Variants in AKTIP observed in about 807,000 individuals in gnomAD.
AKTIP encodes the protein AKT-interacting protein.
A neutral mutation model predicts 39.1 loss-of-function variants in AKTIP; 16 were observed. The ratio of observed to expected loss-of-function variants is 0.41; its 90% CI spans 0.28 to 0.62. The LOEUF (loss-of-function observed/expected upper bound fraction) is 0.62, where lower values mean the gene tolerates loss of function less well. AKTIP is among the 20% of genes least tolerant of loss of function. The pLI is 0.32. For synonymous variants in AKTIP, 93 were observed against 124.3 expected (o/e 0.75, Z 1.67); for missense variants, 262 against 356.6 (o/e 0.73, Z 2.14).
At position 53,492,770 on chromosome 16, in the gene AKTIP, G is replaced by T; in HGVS notation, c.711-17C>A. ...GGAGAAAAGCTTAAGGAAGAGAAAA[G>T]TATTTAAAAACTATTTGTTGGCTCA... On this transcript the variant is annotated splice_polypyrimidine_tract_variant and intron_variant, in intron 8 of 9. Transcript: ENST00000394657. 1 of 1,610,258 alleles carries T rather than the reference G, an allele frequency of 6.2e-7. No homozygotes were observed. Among genetic ancestry groups the T allele is most frequent in the Non-Finnish European group, 8.5e-7 (1 of 1,177,798 alleles).
intron 3 of AKTIP, among the ~76,000 whole-genome samples, chr16:53,495,925 C>T (rs1372557858): frequency 1.3e-5 from 2 of 152,216 alleles, no homozygotes; most frequent in African/African-American, 4.8e-5. Flanking sequence ...GGCTCTCACA[C>T]GCCCTGCTCT....
At chr16:53,499,790 T>C (rs1414123815) in intron 2 of AKTIP, among the ~76,000 whole-genome samples, 1 of 152,250 alleles carries the variant, frequency 6.6e-6, no homozygotes, top group Admixed American at 6.5e-5. Context: ...TTTGCCTATT[T>C]TAACCTTTCC....
At chr16:53,501,897 C>T (rs1962189828) in intron 1 of AKTIP, 1 of 152,340 alleles carries the variant, frequency 6.6e-6, no homozygotes, top group Non-Finnish European at 1.5e-5. Context: ...ACTGAATATA[C>T]TTGAGATATC....
rs748916763 is a variant in AKTIP, at chr16:53,494,147, T to C, written c.701A>G (p.Tyr234Cys). Residue 234 changes from tyrosine (Y) to cysteine (C), a missense_variant, in exon 8 of 10, where the codon TAT becomes TGT. This residue lies in a region of AKTIP where 145 missense variants were observed against 159.3 expected (regional missense o/e 0.91). Transcript: ENST00000394657. Reference sequence around the variant, plus strand: ...GGGATGCACCACTTACCTAATTGCATAGGGGTCTTCTATTTTAGGTTGGTC... The same window carrying C: ...GGGATGCACCACTTACCTAATTGCACAGGGGTCTTCTATTTTAGGTTGGTC... ...LFDQPKIEDP[Y>C]AISFSPWNPS... 1 of 1,612,892 alleles carries C rather than the reference T, an allele frequency of 6.2e-7. No individual in the cohort carries two copies. Among genetic ancestry groups the C allele is most frequent in the East Asian group, 2.2e-5 (1 of 44,872 alleles).
At position 53,492,046 on chromosome 16, in the gene AKTIP, T is replaced by C. The variant is rs140700255; in HGVS notation, c.*366A>G. The C allele has an allele frequency of 7.0e-3, 1,301 of 185,840 alleles. 14 individuals are homozygous for C. Among genetic ancestry groups the C allele is most frequent in the African/African-American group, 0.029 (1,224 of 42,338 alleles). The allele number at this position is 185,840 out of a possible 1,614,324, so 11.5% of individuals were successfully genotyped here. A position where few individuals can be genotyped will look rare whatever the true frequency, so the allele number is the denominator to read the frequency against. ...ATACCTCTCCATTTCCTAACATATATACAACTGAAACCACTGATTTATAAA... is the reference window on the plus strand; with the variant it reads ...ATACCTCTCCATTTCCTAACATATACACAACTGAAACCACTGATTTATAAA... On this transcript the variant is annotated 3_prime_UTR_variant, in exon 10 of 10. Coordinates refer to ENST00000394657, the MANE Select transcript of AKTIP (RefSeq NM_022476.4).
chr16:53,492,354 G>T lies in AKTIP; in HGVS notation c.*58C>A. Reference sequence around the variant, plus strand: ...TCAGGCAGTCCTCTGCCATTGGTCAGCTTGAACTAGGCCAGAGTCTAGCAG... The same window carrying T: ...TCAGGCAGTCCTCTGCCATTGGTCATCTTGAACTAGGCCAGAGTCTAGCAG... On this transcript the variant is annotated 3_prime_UTR_variant, in exon 10 of 10. Transcript: ENST00000394657. The T allele has an allele frequency of 1.1e-5, 16 of 1,478,082 alleles. No individual in the cohort carries two copies. The highest frequency in any genetic ancestry group is 1.5e-5 in the Non-Finnish European group (16 of 1,061,912). 91.6% of individuals were successfully genotyped at this position (1,478,082 alleles called of 1,614,324 possible).
intron 8 of AKTIP, chr16:53,493,829 C>T (rs187245709): frequency 1.3e-5 from 4 of 315,856 alleles, no homozygotes; most frequent in African/African-American, 8.4e-5. Context: ...AAGAGGGGCT[C>T]CAGCTAAAAC....
Position 53,500,303 on chromosome 16 carries a change from A to G in AKTIP, c.-44T>C. The G allele has an allele frequency of 1.2e-6, 2 of 1,603,798 alleles. No homozygotes were observed. On this transcript the variant is annotated 5_prime_UTR_variant, in exon 2 of 10. Transcript: ENST00000394657. Reference sequence around the variant, plus strand: ...AGAAAGTCAGTGGTGTATCATCCAAATCTTCTGTCTTCGGCATTCACTTTA... The same window carrying G: ...AGAAAGTCAGTGGTGTATCATCCAAGTCTTCTGTCTTCGGCATTCACTTTA...
intron 2 of AKTIP, 119 bp from the exon 3 acceptor site, chr16:53,498,715 A>T: frequency 1.0e-6 from 1 of 970,396 alleles, no homozygotes; most frequent in East Asian, 2.5e-5. Flanking sequence ...TTCTAACACC[A>T]TGACCAAGAT....
At chr16:53,495,014 A>C in intron 5 of AKTIP, 59 bp downstream of exon 5, 1 of 1,431,536 alleles carries the variant, frequency 7.0e-7, no homozygotes, top group Non-Finnish European at 9.9e-7. Flanking sequence ...GAAAGCTGTA[A>C]GCCCTTTCAG....
At position 53,492,241 on chromosome 16, in the gene AKTIP, TAG is replaced by T; in HGVS notation, c.*169_*170del. The T allele has an allele frequency of 1.7e-6, 1 of 595,288 alleles. No homozygotes were observed. The highest frequency in any genetic ancestry group is 3.0e-6 in the Non-Finnish European group (1 of 337,382). 36.9% of individuals were successfully genotyped at this position (595,288 alleles called of 1,614,324 possible). ...CTTCTGACAGAAGTAATGCATTACT[TAG>T]AGACAGGTTTCCAAACCCTGCTGTT... On this transcript the variant is annotated 3_prime_UTR_variant, in exon 10 of 10. Transcript: ENST00000394657.
intron 9 of AKTIP, 42 bp from the exon 10 acceptor site, chr16:53,492,561 TGAG>T (rs1220449172): frequency 1.2e-5 from 19 of 1,609,232 alleles, no homozygotes; most frequent in East Asian, 4.5e-5. Context: ...AAATTACTGG[TGAG>T]GAGATTTCAG....
chr16:53,492,619 G>C, intron 9 of AKTIP, 74 bp downstream of exon 9: 5 of 1,596,838 alleles, frequency 3.1e-6, no homozygotes, highest in Non-Finnish European at 4.3e-6. Context: ...TGTATGTAAT[G>C]AGCAGTCTCC....
intron 1 of AKTIP, 110 bp downstream of exon 1, chr16:53,503,037 G>T (rs1962275106): frequency 6.6e-6 from 1 of 152,272 alleles, no homozygotes; most frequent in Non-Finnish European, 1.5e-5. Flanking sequence ...TCGCCGAGTC[G>T]CGAGCGCCTA....
At position 53,502,324 on chromosome 16, in the gene AKTIP, A is replaced by C. The variant is rs141300155; in HGVS notation, c.-71+823T>G. 3.9e-3 allele frequency among the ~76,000 whole-genome samples: 601 copies of C among 152,342 alleles called. 35 individuals are homozygous for C. The South Asian group carries it at 0.082, about 21-fold the overall frequency. On this transcript the variant is annotated intron_variant, in intron 1 of 9. Transcript: ENST00000394657. ...GAGAGGAATGACATAGATGGAAGCA[A>C]GACATGTTACATCCTTGTCACTTGG...
intron 5 of AKTIP, 133 bp from the exon 6 acceptor site, chr16:53,494,738 G>A (rs1961722632): frequency 1.1e-6 from 1 of 888,946 alleles, no homozygotes; most frequent in Non-Finnish European, 1.8e-6. Flanking sequence ...GCCTCAAGAG[G>A]GCTACTTAAC....
chr16:53,494,749 T>C, intron 5 of AKTIP, 144 bp from the exon 6 acceptor site: 1 of 824,534 alleles, frequency 1.2e-6, no homozygotes, highest in Non-Finnish European at 1.9e-6. Context: ...GCTACTTAAC[T>C]ACTTTTACCA....
chr16:53,495,796 TAA>T (rs1961795910), intron 3 of AKTIP, among the ~76,000 whole-genome samples: 1 of 152,196 alleles, frequency 6.6e-6, no homozygotes. Context: ...TTAGATAAAT[TAA>T]GATTTCTTGG....
intron 3 of AKTIP, 34 bp from the exon 4 acceptor site, chr16:53,495,360 A>G (rs1318437617): frequency 1.2e-6 from 2 of 1,607,580 alleles, no homozygotes; most frequent in East Asian, 2.2e-5. Context: ...ACTTGTGTGG[A>G]TACAAATGAC....
Sources: gnomAD v4.1 joint callset for allele counts (sites outside exome capture counted in the v4.1 genomes callset) on GRCh38, gnomAD v4.1.1 for gene constraint, gnomAD v4.1.1 regional missense constraint, MANE v1.5 for transcripts, NCBI Gene and HGNC (gene_info 2026-07-23, HGNC 2026-07-21) for gene names.